The following LSAMP variants were observed in gnomAD, a reference collection of about 807,000 sequenced individuals.
LSAMP encodes limbic system associated membrane protein, also known as limbic system-associated membrane protein.
LSAMP carries 7 observed loss-of-function variants against 38.6 expected under a neutral mutation model. The ratio of observed to expected loss-of-function variants is 0.18; its 90% confidence interval spans 0.10 to 0.34. LSAMP has a LOEUF of 0.34. Among genes scored for constraint, LSAMP ranks in the 10% least tolerant of loss-of-function variants. The pLI is 1.00. For synonymous variants in LSAMP, 154 were observed against 166.8 expected (o/e 0.92, Z 0.59); for missense variants, 313 against 420.0 (o/e 0.75, Z 2.23).
At chr3:115,976,071 G>C (rs1245895334) in intron 3 of LSAMP, among the ~76,000 whole-genome samples, 2 of 152,076 alleles carry the variant, frequency 1.3e-5, no homozygotes, top group Non-Finnish European at 1.5e-5. Flanking sequence ...ACCACTCCAG[G>C]AGGCAATTGA....
chr3:115,935,432 A>G (rs561799173), intron 3 of LSAMP, among the ~76,000 whole-genome samples: 1 of 152,344 alleles, frequency 6.6e-6, no homozygotes, highest in African/African-American at 2.4e-5. Flanking sequence ...TCTTGCCTTT[A>G]TGGTCCTTGA....
intron 3 of LSAMP, among the ~76,000 whole-genome samples, chr3:115,930,974 C>T (rs7638681): frequency 0.34 from 52,388 of 152,004 alleles, 9,911 homozygotes; most frequent in South Asian, 0.61. Flanking sequence ...AAGAAATACT[C>T]GTAAATTGAA....
chr3:115,988,875 T>C (rs1323251905), intron 3 of LSAMP, among the ~76,000 whole-genome samples: 1 of 152,146 alleles, frequency 6.6e-6, no homozygotes, highest in East Asian at 1.9e-4. Context: ...TTTCCCATAT[T>C]GTTATGACAG....
intron 4 of LSAMP, among the ~76,000 whole-genome samples, chr3:115,845,771 A>G (rs1313213243): frequency 6.6e-6 from 1 of 152,114 alleles, no homozygotes; most frequent in Non-Finnish European, 1.5e-5. Context: ...TTACTTCTCA[A>G]TTTGTTTGGA....
At position 116,223,369 on chromosome 3, in the gene LSAMP, G is replaced by C. The variant is rs371553127; in HGVS notation, c.156-136813C>G. 2.4e-4 allele frequency among the ~76,000 whole-genome samples: 37 copies of C among 152,254 alleles called. 1 individual carries two copies. The highest frequency in any genetic ancestry group is 8.7e-4 in the African/African-American group (36 of 41,548). ...ACTATACCAGGAACTGTTTTAACCA[G>C]TCAAAAATTAATTGCAAATGTAGCT... On this transcript the variant is annotated intron_variant, in intron 1 of 6. Coordinates refer to ENST00000490035, the MANE Select transcript of LSAMP (RefSeq NM_002338.5).
chr3:115,977,859 GA>G (rs1168268514), intron 3 of LSAMP, among the ~76,000 whole-genome samples: 1 of 151,550 alleles, frequency 6.6e-6, no homozygotes, highest in Non-Finnish European at 1.5e-5. Flanking sequence ...AACTAAAAAA[GA>G]AAGAAGACAT....
chr3:116,312,995 T>C (rs2047578441), intron 1 of LSAMP, among the ~76,000 whole-genome samples: 1 of 152,184 alleles, frequency 6.6e-6, no homozygotes, highest in Non-Finnish European at 1.5e-5. Flanking sequence ...TCTTAGTCAA[T>C]GTTAAGGACG....
intron 1 of LSAMP, among the ~76,000 whole-genome samples, chr3:116,406,946 A>T (rs1469183011): frequency 1.3e-5 from 2 of 152,064 alleles, no homozygotes; most frequent in Admixed American, 1.3e-4. Context: ...GGAAAATAAA[A>T]AAGACAAGTG....
At chr3:116,079,590 C>T (rs1257362283) in intron 2 of LSAMP, among the ~76,000 whole-genome samples, 1 of 149,146 alleles carries the variant, frequency 6.7e-6, no homozygotes, top group Non-Finnish European at 1.5e-5. Context: ...GAGAATCAGG[C>T]CACTGCGCTC....
intron 1 of LSAMP, among the ~76,000 whole-genome samples, chr3:116,381,883 T>C (rs2048563142): frequency 6.6e-6 from 1 of 152,082 alleles, no homozygotes; most frequent in Non-Finnish European, 1.5e-5. Flanking sequence ...AATATGGACT[T>C]GATTCTAAGG....
intron 3 of LSAMP, among the ~76,000 whole-genome samples, chr3:116,002,770 G>A (rs1194320110): frequency 6.6e-6 from 1 of 152,118 alleles, no homozygotes; most frequent in Non-Finnish European, 1.5e-5. Context: ...TTGGCTGCTT[G>A]CCTCTGAATT....
At chr3:115,949,061 A>G (rs1343919106) in intron 3 of LSAMP, among the ~76,000 whole-genome samples, 1 of 152,154 alleles carries the variant, frequency 6.6e-6, no homozygotes, top group South Asian at 2.1e-4. Context: ...TGAGGCCAGG[A>G]GTTCGAGACC....
At chr3:116,394,802 CT>C (rs1330537888) in intron 1 of LSAMP, among the ~76,000 whole-genome samples, 1 of 152,208 alleles carries the variant, frequency 6.6e-6, no homozygotes, top group Non-Finnish European at 1.5e-5. Context: ...GACACAATCT[CT>C]CAGCAAGTGT....
At chr3:116,017,460 GA>G (rs1298663732) in intron 3 of LSAMP, among the ~76,000 whole-genome samples, 1 of 151,996 alleles carries the variant, frequency 6.6e-6, no homozygotes, top group East Asian at 1.9e-4. Context: ...AAGTTAATTA[GA>G]AAAGGTGAGA....
At chr3:116,131,821 C>A (rs1057218394) in intron 1 of LSAMP, among the ~76,000 whole-genome samples, 1 of 150,816 alleles carries the variant, frequency 6.6e-6, no homozygotes, top group Non-Finnish European at 1.5e-5. Context: ...TCCTAAATTT[C>A]TTTTCTTTTT....
intron 1 of LSAMP, among the ~76,000 whole-genome samples, chr3:116,232,443 G>C (rs1289746826): frequency 6.6e-6 from 1 of 152,180 alleles, no homozygotes; most frequent in Non-Finnish European, 1.5e-5. Context: ...AGAGAAATTT[G>C]TAAAAGTCCC....
At chr3:116,415,580 C>T (rs1361965409) in intron 1 of LSAMP, among the ~76,000 whole-genome samples, 1 of 152,120 alleles carries the variant, frequency 6.6e-6, no homozygotes, top group African/African-American at 2.4e-5. Context: ...CCCAGATCAT[C>T]TTGGTTTTCT....
chr3:115,808,571 G>A lies in LSAMP; in HGVS notation c.*1746C>T, dbSNP rs571928383. The A allele has an allele frequency of 6.6e-6, 1 of 152,138 alleles. No homozygotes were observed. The highest frequency in any genetic ancestry group is 1.5e-5 in the Non-Finnish European group (1 of 68,034). 9.4% of individuals were successfully genotyped at this position (152,138 alleles called of 1,614,324 possible). ...GGTTAAGGACCTAGATCACATTTCA[G>A]TGTTAATGTCAAGATGACTCTTATA... On this transcript the variant is annotated 3_prime_UTR_variant, in exon 7 of 7. Transcript: ENST00000490035.
intron 3 of LSAMP, among the ~76,000 whole-genome samples, chr3:115,951,219 A>C (rs564264948): frequency 2.0e-5 from 3 of 152,340 alleles, no homozygotes; most frequent in Non-Finnish European, 4.4e-5. Flanking sequence ...TTAGGCAAAG[A>C]GTTCATAACC....
Sources: allele counts gnomAD v4.1 joint callset (sites outside exome capture counted in the v4.1 genomes callset), GRCh38; gene constraint gnomAD v4.1.1; transcripts MANE v1.5; gene names NCBI Gene and HGNC (gene_info 2026-07-23, HGNC 2026-07-21).